IMMP2L: variants seen among roughly 807,000 people sequenced by gnomAD.
IMMP2L encodes inner mitochondrial membrane peptidase subunit 2, also known as mitochondrial inner membrane protease subunit 2.
Under a neutral mutation model 19.3 loss-of-function variants are expected in IMMP2L, and 18 were observed. The ratio of observed to expected loss-of-function variants is 0.93; its 90% confidence interval spans 0.64 to 1.38. The LOEUF (loss-of-function observed/expected upper bound fraction) is 1.38, where lower values mean the gene tolerates loss of function less well. Among genes scored for constraint, IMMP2L ranks in the 40% most tolerant of loss-of-function variants. IMMP2L has a pLI of 0.00. For missense variants in IMMP2L, 233 were observed against 218.2 expected (o/e 1.07, Z -0.43); for synonymous variants, 76 against 73.0 (o/e 1.04, Z -0.21).
At chr7:111,403,439 C>T (rs1217547759) in intron 3 of IMMP2L, among the ~76,000 whole-genome samples, 1 of 150,700 alleles carries the variant, frequency 6.6e-6, no homozygotes. Flanking sequence ...CAGACTAATA[C>T]AGCCCAGGTA....
chr7:110,746,563 C>G (rs180730357), intron 5 of IMMP2L, among the ~76,000 whole-genome samples: 220 of 152,304 alleles, frequency 1.4e-3, no homozygotes, highest in Non-Finnish European at 2.5e-3. Flanking sequence ...TCTCAGACCA[C>G]AGTGCAATCA....
intron 3 of IMMP2L, among the ~76,000 whole-genome samples, chr7:111,388,928 G>T (rs898752211): frequency 1.4e-4 from 21 of 151,972 alleles, no homozygotes; most frequent in Non-Finnish European, 2.9e-4. Flanking sequence ...CATATAATGT[G>T]CAAATCTGTA....
At chr7:110,876,371 G>A (rs1225450597) in intron 5 of IMMP2L, among the ~76,000 whole-genome samples, 1 of 152,084 alleles carries the variant, frequency 6.6e-6, no homozygotes, top group Non-Finnish European at 1.5e-5. Context: ...ATGGAACTTT[G>A]ACACTTTGAT....
rs148201245 is a variant in IMMP2L at position 111,190,578 on chromosome 7, T to G, written c.240-227013A>C. On this transcript the variant is annotated intron_variant, in intron 3 of 5. Transcript: ENST00000405709. ...AAGTGGTTAAAAATACTTGCAAGAG[T>G]GAAAGTTGGTGTCTGCCACACTTAG... Among the ~76,000 whole-genome samples the G allele has an allele frequency of 1.6e-3, 246 of 151,634 alleles. 2 individuals carry two copies. In the Middle Eastern group the frequency reaches 0.021, roughly 13 times the overall value.
chr7:110,928,762 C>T (rs1815153700), intron 4 of IMMP2L, among the ~76,000 whole-genome samples: 1 of 152,244 alleles, frequency 6.6e-6, no homozygotes, highest in Non-Finnish European at 1.5e-5. Flanking sequence ...TCACCAACTG[C>T]TCTATAAACT....
At chr7:110,944,485 G>C (rs752624948) in intron 4 of IMMP2L, among the ~76,000 whole-genome samples, 3 of 151,872 alleles carry the variant, frequency 2.0e-5, no homozygotes, top group Non-Finnish European at 4.4e-5. Flanking sequence ...GTGTGTGTGC[G>C]CGTGTGTGTG....
intron 5 of IMMP2L, among the ~76,000 whole-genome samples, chr7:110,827,015 G>A (rs1803560574): frequency 6.6e-6 from 1 of 151,986 alleles, no homozygotes; most frequent in Admixed American, 6.6e-5. Flanking sequence ...TTTGTACAAA[G>A]ACACCAGGAG....
chr7:111,548,335 C>T (rs1401596361), intron 1 of IMMP2L, among the ~76,000 whole-genome samples: 1 of 152,086 alleles, frequency 6.6e-6, no homozygotes, highest in Non-Finnish European at 1.5e-5. Flanking sequence ...AATCAGGTAA[C>T]ACCTAACAGG....
chr7:110,925,043 G>C (rs1351954672), intron 4 of IMMP2L, among the ~76,000 whole-genome samples: 3 of 152,120 alleles, frequency 2.0e-5, no homozygotes, highest in Non-Finnish European at 2.9e-5. Context: ...AACTTGTATT[G>C]CTGGGGTGAA....
At chr7:110,912,583 T>G (rs2129548518) in intron 4 of IMMP2L, among the ~76,000 whole-genome samples, 1 of 151,872 alleles carries the variant, frequency 6.6e-6, no homozygotes, top group Admixed American at 6.6e-5. Context: ...GAGACACATT[T>G]AAAGTTTTTT....
At chr7:111,118,283 A>T (rs1402810374) in intron 3 of IMMP2L, among the ~76,000 whole-genome samples, 2 of 152,134 alleles carry the variant, frequency 1.3e-5, no homozygotes, top group African/African-American at 4.8e-5. Context: ...ATATTTCATA[A>T]ATGATGAAAA....
At chr7:111,182,914 C>T (rs1807865532) in intron 3 of IMMP2L, among the ~76,000 whole-genome samples, 1 of 152,010 alleles carries the variant, frequency 6.6e-6, no homozygotes, top group Non-Finnish European at 1.5e-5. Context: ...TTAATTTGTA[C>T]TATCATTGGA....
chr7:111,004,965 AT>A (rs1157946967), intron 3 of IMMP2L, among the ~76,000 whole-genome samples: 5 of 152,310 alleles, frequency 3.3e-5, no homozygotes, highest in Middle Eastern at 3.4e-3. Flanking sequence ...GCTAAATCTA[AT>A]TCAATCTGTC....
At chr7:111,281,200 A>G (rs911756404) in intron 3 of IMMP2L, among the ~76,000 whole-genome samples, 6 of 50,514 alleles carry the variant, frequency 1.2e-4, no homozygotes, top group African/African-American at 3.6e-4. Flanking sequence ...GAAAGAAAGA[A>G]AGAAAGAAAG....
rs968162699 is a variant in IMMP2L at position 110,803,483 on chromosome 7, A to G, written c.408+83110T>C. Among the ~76,000 whole-genome samples, 5 of 152,108 alleles carry G rather than the reference A, an allele frequency of 3.3e-5. No homozygotes were observed. The highest frequency in any genetic ancestry group is 1.2e-4 in the African/African-American group (5 of 41,426). ...AGATGTTTATAGAGAGTAGGAATCA[A>G]TGGGATCAATGTGTACACAGGGAGA... On this transcript the variant is annotated intron_variant, in intron 5 of 5. Coordinates refer to ENST00000405709, the MANE Select transcript of IMMP2L (RefSeq NM_032549.4). This position sits in a 1 kb window ranked among gnomAD's most constrained non-coding sequence, Gnocchi z 4.2.
At position 111,050,397 on chromosome 7, in the gene IMMP2L, T is replaced by A. The variant is rs914432065; in HGVS notation, c.240-86832A>T. The stretch of plus-strand genomic sequence containing the variant: ...GTGAAATATAGGTAATAAAACCTAG[T>A]TAGAGGGTTGTGATGAATAAAGAAA... On this transcript the variant is annotated intron_variant, in intron 3 of 5. Coordinates refer to ENST00000405709, the MANE Select transcript of IMMP2L (RefSeq NM_032549.4). Among the ~76,000 whole-genome samples, 3 of 152,196 alleles carry A rather than the reference T, an allele frequency of 2.0e-5. No homozygotes were observed. In the South Asian group the frequency reaches 6.2e-4, roughly 32 times the overall value.
chr7:111,249,572 C>A (rs1053407153), intron 3 of IMMP2L, among the ~76,000 whole-genome samples: 3 of 152,146 alleles, frequency 2.0e-5, no homozygotes, highest in Non-Finnish European at 4.4e-5. Flanking sequence ...TAAATATTTA[C>A]AAACTGCTTA....
In IMMP2L at chr7:110,992,172, C is replaced by G. The variant is rs1215854599; in HGVS notation, c.240-28607G>C. ...AAGGTATAAAAAATCTTGTAGTGCTCTACATTTTCTGTGCCCCCCAGCGTA... is the reference window on the plus strand; with the variant it reads ...AAGGTATAAAAAATCTTGTAGTGCTGTACATTTTCTGTGCCCCCCAGCGTA... On this transcript the variant is annotated intron_variant, in intron 3 of 5. Coordinates refer to ENST00000405709, the MANE Select transcript of IMMP2L (RefSeq NM_032549.4). 9.9e-5 allele frequency among the ~76,000 whole-genome samples: 15 copies of G among 152,134 alleles called. No individual in the cohort carries two copies. In the East Asian group the frequency reaches 2.9e-3, roughly 29 times the overall value.
At chr7:111,017,306 C>T (rs867139296) in intron 3 of IMMP2L, among the ~76,000 whole-genome samples, 5 of 151,962 alleles carry the variant, frequency 3.3e-5, no homozygotes, top group South Asian at 4.1e-4. Context: ...TCAAGTGATC[C>T]TCTTGCCTGG....
Sources: allele counts gnomAD v4.1 joint callset (sites outside exome capture counted in the v4.1 genomes callset), GRCh38; gene constraint gnomAD v4.1.1; non-coding constraint Gnocchi (gnomAD v3.1); transcripts MANE v1.5; gene names NCBI Gene and HGNC (gene_info 2026-07-23, HGNC 2026-07-21).